Variants in LGI2 observed in about 807,000 individuals in gnomAD.
The protein encoded by LGI2 is leucine rich repeat LGI family member 2.
In LGI2, 30 loss-of-function variants were observed where a neutral mutation model predicts 52.0. The ratio of observed to expected loss-of-function variants is 0.58; its 90% CI spans 0.43 to 0.78. LGI2 has a LOEUF of 0.78. Ranked by LOEUF, LGI2 falls within the 30% of genes least tolerant of loss-of-function variation. LGI2 has a pLI of 0.00. For synonymous variants in LGI2, 270 were observed against 271.8 expected (o/e 0.99, Z 0.06); for missense variants, 573 against 692.5 (o/e 0.83, Z 1.94).
At position 25,003,801 on chromosome 4, in the gene LGI2, T is replaced by A. The variant is rs1725318322; in HGVS notation, c.1288A>T (p.Asn430Tyr). 6.2e-7 allele frequency: 1 copy of A among 1,614,006 alleles called. No homozygotes were observed. Among genetic ancestry groups the A allele is most frequent in the African/African-American group, 1.3e-5 (1 of 74,910 alleles). Residue 430 changes from asparagine (N) to tyrosine (Y), a missense_variant, in exon 8 of 8, where the codon AAT becomes TAT. Coordinates refer to ENST00000382114, the MANE Select transcript of LGI2 (RefSeq NM_018176.4). ...CGGGTAAGGGAAAGGTAGAGGGTAT[T>A]TTGCATTCGGAAGCTCTTCACAGCC... ...VLAVKSFRMQ[N>Y]TLYLSLTRFI... is the part of the protein sequence containing the mutation.
At chr4:25,008,115 C>T (rs1725453030) in intron 7 of LGI2, among the ~76,000 whole-genome samples, 1 of 152,198 alleles carries the variant, frequency 6.6e-6, no homozygotes, top group African/African-American at 2.4e-5. Flanking sequence ...TTCTGTAGCA[C>T]CACCTTCTAC....
intron 3 of LGI2, 85 bp from the exon 4 acceptor site, chr4:25,024,976 A>G: frequency 1.2e-6 from 1 of 848,074 alleles, no homozygotes; most frequent in Non-Finnish European, 1.8e-6. Context: ...TCAGAATAAA[A>G]TCTAAAAGTA....
chr4:25,025,585 G>A (rs1008005846), intron 3 of LGI2, among the ~76,000 whole-genome samples: 1 of 151,442 alleles, frequency 6.6e-6, no homozygotes, highest in African/African-American at 2.5e-5. Flanking sequence ...ATGCTTTAAG[G>A]TCTTTGTGGG....
Position 25,000,304 on chromosome 4 carries a change from A to C in LGI2, c.*3147T>G, listed in dbSNP as rs6827553. ...ATGTCTGCTGATCAGAGGGAAAGTT[A>C]TTGCTTTGCCAGTCCCTATTGGATA... On this transcript the variant is annotated 3_prime_UTR_variant, in exon 8 of 8. Transcript: ENST00000382114. 0.51 allele frequency: 78,724 copies of C among 153,186 alleles called. 21,141 individuals carry two copies. The highest frequency in any genetic ancestry group is 0.77 in the East Asian group (4,005 of 5,196). 9.5% of individuals were successfully genotyped at this position (153,186 alleles called of 1,614,324 possible). A position where few individuals can be genotyped will look rare whatever the true frequency, so the allele number is the denominator to read the frequency against.
chr4:25,017,999 G>A lies in LGI2; in HGVS notation c.645C>T (p.Cys215=), dbSNP rs138110617. The stretch of plus-strand genomic sequence containing the variant: ...ATAGGCTCTGAATACCTGTAGTTGT[G>A]CATTCATAGTCAAAGCTGGTCACGT... ...LNDVTSFDYE[C]TTTDFVVHQT... The change falls in exon 6 of 8, where the codon TGC becomes TGT. Residue 215 remains cysteine, a synonymous_variant. Transcript: ENST00000382114. 5.0e-5 allele frequency: 81 copies of A among 1,609,724 alleles called. No individual in the cohort carries two copies. In the African/African-American group the frequency reaches 1.0e-3, roughly 20 times the overall value.
At chr4:25,029,116 G>A (rs901746456) in intron 1 of LGI2, among the ~76,000 whole-genome samples, 18 of 152,138 alleles carry the variant, frequency 1.2e-4, no homozygotes, top group African/African-American at 4.1e-4. Context: ...CAGATAAAAC[G>A]GTCAACCAGG....
At chr4:25,009,266 C>T (rs1725496438) in intron 7 of LGI2, among the ~76,000 whole-genome samples, 1 of 152,236 alleles carries the variant, frequency 6.6e-6, no homozygotes, top group African/African-American at 2.4e-5. Context: ...CCAAACCATC[C>T]CCCTGGATGT....
At chr4:24,996,962 G>A (rs777401565), downstream of LGI2, among the ~76,000 whole-genome samples, 2 of 152,202 alleles carry the variant, frequency 1.3e-5, no homozygotes, top group Non-Finnish European at 2.9e-5. Context: ...GCCTTTCCAT[G>A]ACTGCTGGCC....
intron 3 of LGI2, among the ~76,000 whole-genome samples, chr4:25,025,154 A>G (rs1013191787): frequency 1.3e-5 from 2 of 152,114 alleles, no homozygotes; most frequent in African/African-American, 4.8e-5. Context: ...ATGGGTAAAA[A>G]CATCCTGGGG....
chr4:25,019,348 T>C, intron 4 of LGI2, 110 bp from the exon 5 acceptor site: 1 of 673,942 alleles, frequency 1.5e-6, no homozygotes, highest in Non-Finnish European at 2.6e-6. Flanking sequence ...TCATCAATAC[T>C]GAGATAGAGA....
In LGI2 at chr4:25,030,871, C is replaced by T; in HGVS notation, c.-178G>A. The T allele has an allele frequency of 5.0e-6, 1 of 198,024 alleles. No individual in the cohort carries two copies. Among genetic ancestry groups the T allele is most frequent in the Non-Finnish European group, 9.2e-6 (1 of 108,822 alleles). The allele number at this position is 198,024 out of a possible 1,614,324, so 12.3% of individuals were successfully genotyped here. On this transcript the variant is annotated 5_prime_UTR_variant, in exon 1 of 8. It adds an upstream start codon to the 5' untranslated region. Transcript: ENST00000382114. The stretch of plus-strand genomic sequence containing the variant: ...CAGCCGAGCAGCATGCTGGCCGCCA[C>T]CCCCACTCGGCGCCCCCCCACCCGA...
rs1359604082 is a variant in LGI2 at position 25,019,051 on chromosome 4, T to C, written c.485+116A>G. On this transcript the variant is annotated intron_variant, in intron 5 of 7. Transcript: ENST00000382114. ...TTTCCCAGGATGCACTACTTTGTTATAGATTTTTAACCACAGCATAAAAGA... is the reference window on the plus strand; with the variant it reads ...TTTCCCAGGATGCACTACTTTGTTACAGATTTTTAACCACAGCATAAAAGA... The C allele has an allele frequency of 9.5e-6, 7 of 737,284 alleles. 1 individual carries two copies. Among genetic ancestry groups the C allele is most frequent in the South Asian group, 9.4e-5 (6 of 63,816 alleles). The allele number at this position is 737,284 out of a possible 1,614,324, so 45.7% of individuals were successfully genotyped here.
At position 25,004,911 on chromosome 4, in the gene LGI2, A is replaced by G. The variant is rs767424865; in HGVS notation, c.821-643T>C. ...ACCCAAGTTGCTTCAATGGACAAAT[A>G]GATAGACAAAATGTGGCATATACAT... On this transcript the variant is annotated intron_variant, in intron 7 of 7. Transcript: ENST00000382114. This position sits in a 1 kb window ranked among gnomAD's most constrained non-coding sequence, Gnocchi z 4.6. Among the ~76,000 whole-genome samples, 5 of 152,228 alleles carry G rather than the reference A, an allele frequency of 3.3e-5. No individual in the cohort carries two copies. The highest frequency in any genetic ancestry group is 4.4e-5 in the Non-Finnish European group (3 of 68,038).
At chr4:24,992,252 G>T in the LGI2 span, among the ~76,000 whole-genome samples, 1 of 152,116 alleles carries the variant, frequency 6.6e-6, no homozygotes, top group Non-Finnish European at 1.5e-5. Context: ...GGAGTAAGAG[G>T]CTCCAAAGGA....
At position 25,001,560 on chromosome 4, in the gene LGI2, G is replaced by GA. The variant is rs3839167; in HGVS notation, c.*1890dup. ...TAGCCTGTTCAAAGAAACCAAGAGG[G>GA]AAAAAAAAGTGCAGAAGAAAAGTAA... On this transcript the variant is annotated 3_prime_UTR_variant, in exon 8 of 8. Coordinates refer to ENST00000382114, the MANE Select transcript of LGI2 (RefSeq NM_018176.4). 71,890 of 151,554 alleles carry GA rather than the reference G, an allele frequency of 0.47. 17,561 individuals are homozygous for GA. Among genetic ancestry groups the GA allele is most frequent in the East Asian group, 0.77 (3,967 of 5,156 alleles). 9.4% of individuals were successfully genotyped at this position (151,554 alleles called of 1,614,324 possible).
downstream of LGI2, among the ~76,000 whole-genome samples, chr4:24,997,943 T>C (rs939955837): frequency 6.6e-6 from 1 of 152,120 alleles, no homozygotes; most frequent in Non-Finnish European, 1.5e-5. Context: ...AGTGACATGA[T>C]CAGAGCTCAC....
In LGI2 at chr4:25,028,564, C is replaced by A. The variant is rs1397945698; in HGVS notation, c.212G>T (p.Gly71Val). 1.2e-6 allele frequency: 2 copies of A among 1,613,074 alleles called. No individual in the cohort carries two copies. The highest frequency in any genetic ancestry group is 1.3e-5 in the African/African-American group (1 of 75,030). Reference sequence around the variant, plus strand: ...TCGGTCCTTGATTTCTGAAAACGTCCCATTTACCAGGCTCCTACGGGCAAA... The same window carrying A: ...TCGGTCCTTGATTTCTGAAAACGTCACATTTACCAGGCTCCTACGGGCAAA... ...GDISSLSLVN[G>V]TFSEIKDRMF... is the part of the protein sequence containing the mutation. Residue 71 changes from glycine to valine, a missense_variant, in exon 2 of 8, where the codon GGG becomes GTG. Physicochemically the swap from Gly to Val is moderately radical, Grantham distance 109. Coordinates refer to ENST00000382114, the MANE Select transcript of LGI2 (RefSeq NM_018176.4).
chr4:25,021,487 C>G (rs16876637), intron 4 of LGI2, among the ~76,000 whole-genome samples: 18,354 of 152,202 alleles, frequency 0.12, 1,355 homozygotes, highest in East Asian at 0.33. Flanking sequence ...ATAGGAACTT[C>G]CGTAAGCACG....
intron 7 of LGI2, among the ~76,000 whole-genome samples, chr4:25,010,985 G>A (rs1011781943): frequency 6.6e-6 from 1 of 152,104 alleles, no homozygotes. Flanking sequence ...GGGAGGCTGG[G>A]GCAGGAGGAT....
Sources: allele counts gnomAD v4.1 joint callset (sites outside exome capture counted in the v4.1 genomes callset), GRCh38; gene constraint gnomAD v4.1.1; non-coding constraint Gnocchi (gnomAD v3.1); transcripts MANE v1.5; gene names NCBI Gene and HGNC (gene_info 2026-07-23, HGNC 2026-07-21).